The following PTPRG variants were observed in gnomAD, a reference collection of about 807,000 sequenced individuals.
PTPRG encodes the protein protein tyrosine phosphatase receptor type G.
PTPRG carries 102 observed loss-of-function variants against 165.3 expected under a neutral mutation model. The observed-to-expected ratio is 0.62, with a 90% CI of 0.53 to 0.73. The LOEUF (loss-of-function observed/expected upper bound fraction) is 0.73, where lower values mean the gene tolerates loss of function less well. PTPRG is among the 30% of genes least tolerant of loss of function. The probability of loss-of-function intolerance (pLI) is 0.00; values close to 1 mark genes in which losing one functional copy is unlikely to be tolerated. For synonymous variants in PTPRG, 675 were observed against 669.5 expected (o/e 1.01, Z -0.13); for missense variants, 1,866 against 1,861.4 (o/e 1.00, Z -0.05).
At chr3:61,674,754 A>G (rs748012269) in intron 1 of PTPRG, among the ~76,000 whole-genome samples, 5 of 152,144 alleles carry the variant, frequency 3.3e-5, no homozygotes, top group Non-Finnish European at 5.9e-5. Flanking sequence ...ATGTCTTTCA[A>G]ACTCTGGGTG....
At chr3:61,572,203 T>C (rs186497708) in intron 1 of PTPRG, among the ~76,000 whole-genome samples, 2 of 152,312 alleles carry the variant, frequency 1.3e-5, no homozygotes, top group African/African-American at 2.4e-5. Flanking sequence ...AGGTGGTGAG[T>C]GGAACTTGGT....
At position 61,968,300 on chromosome 3, in the gene PTPRG, G is replaced by T. The variant is rs543957052; in HGVS notation, c.191-21325G>T. On this transcript the variant is annotated intron_variant, in intron 2 of 29. Transcript: ENST00000474889. ...TCATCATCCTTTCACTTACTAAATG[G>T]CTTCTATTTCAGAGCTATGTCATAT... is the stretch of plus-strand genomic sequence containing the variant. 2.0e-5 allele frequency among the ~76,000 whole-genome samples: 3 copies of T among 152,068 alleles called. No homozygotes were observed. The South Asian group carries it at 6.2e-4, about 32-fold the overall frequency.
chr3:62,036,983 G>GCGCA (rs145992725), intron 4 of PTPRG, among the ~76,000 whole-genome samples: 130 of 150,562 alleles, frequency 8.6e-4, no homozygotes, highest in South Asian at 2.7e-3. Flanking sequence ...GCGCGCGCAC[G>GCGCA]CACACACACA....
At chr3:61,965,690 A>T (rs531509894) in intron 2 of PTPRG, among the ~76,000 whole-genome samples, 123 of 152,346 alleles carry the variant, frequency 8.1e-4, no homozygotes, top group African/African-American at 2.9e-3. Flanking sequence ...AATAATGGCT[A>T]ATATTTAACA....
At chr3:61,961,000 T>C (rs2040141082) in intron 2 of PTPRG, among the ~76,000 whole-genome samples, 1 of 152,172 alleles carries the variant, frequency 6.6e-6, no homozygotes, top group Non-Finnish European at 1.5e-5. Flanking sequence ...GGGATAAAAA[T>C]GTTTTGTCTT....
At chr3:61,608,435 C>T (rs538999173) in intron 1 of PTPRG, among the ~76,000 whole-genome samples, 2 of 152,270 alleles carry the variant, frequency 1.3e-5, no homozygotes, top group East Asian at 1.9e-4. Context: ...CTGGGCCCTT[C>T]CGTGGAGAGC....
intron 2 of PTPRG, among the ~76,000 whole-genome samples, chr3:61,818,928 A>G (rs1317937674): frequency 6.6e-6 from 1 of 151,980 alleles, no homozygotes; most frequent in African/African-American, 2.4e-5. Context: ...TTAAAGCTAT[A>G]TTTAAAGGGC....
intron 2 of PTPRG, among the ~76,000 whole-genome samples, chr3:61,912,077 G>C (rs942289508): frequency 3.9e-5 from 6 of 152,058 alleles, no homozygotes; most frequent in Non-Finnish European, 7.4e-5. Context: ...TAAGGAGCGA[G>C]TCCTCAGGAT....
In PTPRG at chr3:61,661,878, C is replaced by T. The variant is rs112616022; in HGVS notation, c.86-87000C>T. Among the ~76,000 whole-genome samples the T allele has an allele frequency of 7.5e-3, 1,148 of 152,276 alleles. 10 individuals carry two copies. Among genetic ancestry groups the T allele is most frequent in the African/African-American group, 0.026 (1,091 of 41,538 alleles). ...CAAGAAACACCACCACCACCCAATC[C>T]CTTACTGTTTCTTTTCAGAAATTAA... On this transcript the variant is annotated intron_variant, in intron 1 of 29. Coordinates refer to ENST00000474889, the MANE Select transcript of PTPRG (RefSeq NM_002841.4).
chr3:62,179,627 C>G (rs1390796100), intron 8 of PTPRG, among the ~76,000 whole-genome samples: 1 of 152,212 alleles, frequency 6.6e-6, no homozygotes, highest in Non-Finnish European at 1.5e-5. Context: ...CCAAGAGACT[C>G]AAGTGGCTCA....
chr3:62,023,757 A>T (rs1320179754), intron 4 of PTPRG, among the ~76,000 whole-genome samples: 2 of 152,082 alleles, frequency 1.3e-5, no homozygotes, highest in East Asian at 3.9e-4. Flanking sequence ...ATTAAAACCT[A>T]CCTACTGTTT....
intron 4 of PTPRG, among the ~76,000 whole-genome samples, chr3:62,073,758 G>C (rs1701286347): frequency 6.6e-6 from 1 of 152,204 alleles, no homozygotes. Context: ...TGGGATTACA[G>C]GTGTAAGCCA....
In PTPRG at chr3:61,953,350, G is replaced by T. The variant is rs7614020; in HGVS notation, c.191-36275G>T. On this transcript the variant is annotated intron_variant, in intron 2 of 29. Coordinates refer to ENST00000474889, the MANE Select transcript of PTPRG (RefSeq NM_002841.4). Reference sequence around the variant, plus strand: ...AGAAACTAGATACTGACACAGGCACGCAGGCAAAAGGAATGGTTAGAAAAA... The same window carrying T: ...AGAAACTAGATACTGACACAGGCACTCAGGCAAAAGGAATGGTTAGAAAAA... Among the ~76,000 whole-genome samples, 9 of 152,224 alleles carry T rather than the reference G, an allele frequency of 5.9e-5. No individual in the cohort carries two copies. In the South Asian group the frequency reaches 1.7e-3, roughly 28 times the overall value.
At chr3:61,907,770 GCCGATTT>G (rs1318343708) in intron 2 of PTPRG, among the ~76,000 whole-genome samples, 1 of 152,090 alleles carries the variant, frequency 6.6e-6, no homozygotes, top group Non-Finnish European at 1.5e-5. Context: ...AAGCTAAGGA[GCCGATTT>G]CCTTTGTAAC....
At position 62,084,473 on chromosome 3, in the gene PTPRG, A is replaced by G. The variant is rs553899026; in HGVS notation, c.615+6215A>G. On this transcript the variant is annotated intron_variant, in intron 5 of 29. Coordinates refer to ENST00000474889, the MANE Select transcript of PTPRG (RefSeq NM_002841.4). The stretch of plus-strand genomic sequence containing the variant: ...CCCTTTTCATTTCTGCCCTTCTTTC[A>G]TAGTTGAAAGGAAACTTCAGAACTC... 8.0e-4 allele frequency among the ~76,000 whole-genome samples: 122 copies of G among 151,756 alleles called. 1 individual carries two copies. Among genetic ancestry groups the G allele is most frequent in the Non-Finnish European group, 1.3e-3 (88 of 68,008 alleles).
At chr3:62,157,012 C>T in intron 6 of PTPRG, 55 bp from the exon 7 acceptor site, 3 of 1,486,326 alleles carry the variant, frequency 2.0e-6, no homozygotes, top group Non-Finnish European at 2.8e-6. Flanking sequence ...GTGTCTGCGG[C>T]TCGGAATGGC....
chr3:62,004,316 T>A (rs532767442), intron 4 of PTPRG, among the ~76,000 whole-genome samples: 2 of 152,248 alleles, frequency 1.3e-5, no homozygotes, highest in Non-Finnish European at 2.9e-5. Flanking sequence ...TTCTGAAACC[T>A]GCCCAATAGT....
chr3:61,959,408 A>G (rs2040101019), intron 2 of PTPRG, among the ~76,000 whole-genome samples: 1 of 152,084 alleles, frequency 6.6e-6, no homozygotes, highest in Non-Finnish European at 1.5e-5. Flanking sequence ...TGGTTTTGGG[A>G]TGAAACTGTT....
chr3:61,791,334 C>T (rs984445541), intron 2 of PTPRG, among the ~76,000 whole-genome samples: 3 of 152,234 alleles, frequency 2.0e-5, no homozygotes, highest in African/African-American at 7.2e-5. Flanking sequence ...GTTTCTGTTG[C>T]AACGGTTTCT....
Sources: gnomAD v4.1 joint callset for allele counts (sites outside exome capture counted in the v4.1 genomes callset) on GRCh38, gnomAD v4.1.1 for gene constraint, MANE v1.5 for transcripts, NCBI Gene and HGNC (gene_info 2026-07-23, HGNC 2026-07-21) for gene names.